Variants in CRYBA4 observed in about 807,000 individuals in gnomAD.
The protein encoded by CRYBA4 is beta-crystallin A4.
A neutral mutation model predicts 31.7 loss-of-function variants in CRYBA4; 30 were observed. That is an observed-to-expected ratio of 0.95 (90% CI 0.71 to 1.28). The LOEUF is 1.28. Among genes scored for constraint, CRYBA4 ranks in the 50% most tolerant of loss-of-function variants. The probability of loss-of-function intolerance (pLI) is 0.00; values close to 1 mark genes in which losing one functional copy is unlikely to be tolerated. For synonymous variants in CRYBA4, 102 were observed against 102.3 expected, an observed-to-expected ratio of 1.00 and a Z score of 0.02; for missense variants, 225 against 260.7, an observed-to-expected ratio of 0.86 and a Z score of 0.94.
At chr22:26,602,446 C>A in the CRYBA4 span, among the ~76,000 whole-genome samples, 1 of 151,598 alleles carries the variant, frequency 6.6e-6, no homozygotes, top group African/African-American at 2.4e-5. Flanking sequence ...TTTTAATTTG[C>A]CAGGCATGGT....
At chr22:26,626,644 C>T (rs1034276393) in intron 4 of CRYBA4, among the ~76,000 whole-genome samples, 22 of 152,148 alleles carry the variant, frequency 1.4e-4, no homozygotes, top group Admixed American at 1.3e-4. Context: ...GTAATACTTA[C>T]AGTTGAGCAG....
the CRYBA4 span, chr22:26,607,996 A>T: frequency 6.2e-7 from 1 of 1,614,194 alleles, no homozygotes. Flanking sequence ...TCCCCGCGGA[A>T]GTTGGACTGC....
At chr22:26,598,253 A>G in the CRYBA4 span, among the ~76,000 whole-genome samples, 1 of 152,208 alleles carries the variant, frequency 6.6e-6, no homozygotes, top group Non-Finnish European at 1.5e-5. Flanking sequence ...AGGCAGTGGT[A>G]TCTGCTGGAA....
chr22:26,613,426 C>A, the CRYBA4 span, among the ~76,000 whole-genome samples: 1 of 152,230 alleles, frequency 6.6e-6, no homozygotes, highest in Non-Finnish European at 1.5e-5. Flanking sequence ...AACGGAGGAA[C>A]TGGCTGAAGC....
In CRYBA4 at chr22:26,623,117, G is replaced by A. The variant is rs1602338215; in HGVS notation, c.40-117G>A. The A allele has an allele frequency of 3.5e-6, 3 of 852,068 alleles. No homozygotes were observed. The East Asian group carries it at 7.2e-5, about 21-fold the overall frequency. 52.8% of individuals were successfully genotyped at this position (852,068 alleles called of 1,614,324 possible). A position where few individuals can be genotyped will look rare whatever the true frequency, so the allele number is the denominator to read the frequency against. ...ACTGCTCTTGCCTTCCTGGCTCCTG[G>A]AGGAATCTGAGTTTGCAATCCCTGC... On this transcript the variant is annotated intron_variant, in intron 2 of 5. Coordinates refer to ENST00000354760, the MANE Select transcript of CRYBA4 (RefSeq NM_001886.3).
the CRYBA4 span, among the ~76,000 whole-genome samples, chr22:26,615,712 C>T: frequency 2.0e-5 from 3 of 152,126 alleles, no homozygotes; most frequent in Admixed American, 2.0e-4. Context: ...CAGGGTTTCA[C>T]CATGTTGGCC....
chr22:26,600,798 G>A, the CRYBA4 span, among the ~76,000 whole-genome samples: 284 of 152,308 alleles, frequency 1.9e-3, 3 homozygotes, highest in East Asian at 0.045. Context: ...TCCATCCTCT[G>A]CAGATAAACC....
At chr22:26,595,032 C>T in the CRYBA4 span, among the ~76,000 whole-genome samples, 1 of 152,172 alleles carries the variant, frequency 6.6e-6, no homozygotes, top group East Asian at 1.9e-4. Flanking sequence ...GTTTATGGTT[C>T]CTAAGTCACA....
At chr22:26,600,236 C>T in the CRYBA4 span, among the ~76,000 whole-genome samples, 6 of 152,128 alleles carry the variant, frequency 3.9e-5, no homozygotes, top group African/African-American at 1.4e-4. Context: ...CCCGTCTCTA[C>T]TAAAAATACA....
intron 2 of CRYBA4, 119 bp from the exon 3 acceptor site, chr22:26,623,114 CT>C: frequency 1.2e-6 from 1 of 842,170 alleles, no homozygotes. Flanking sequence ...TTCCTGGCTC[CT>C]GGAGGAATCT....
Position 26,628,756 on chromosome 22 carries a change from C to T in CRYBA4, c.443+326C>T, listed in dbSNP as rs184536860. Among the ~76,000 whole-genome samples, 93 of 152,314 alleles carry T rather than the reference C, an allele frequency of 6.1e-4. 1 individual carries two copies. In the East Asian group the frequency reaches 0.016, roughly 26 times the overall value. ...GTGTGACTATATTCTTAGACAAGCT[C>T]TTCCTGTGTGAAGGCAAAGGTGGCG... is the stretch of plus-strand genomic sequence containing the variant. On this transcript the variant is annotated intron_variant, in intron 5 of 5. Transcript: ENST00000354760.
Position 26,626,165 on chromosome 22 carries a change from G to T in CRYBA4, c.300+543G>T, listed in dbSNP as rs1929698487. 2.6e-5 allele frequency among the ~76,000 whole-genome samples: 4 copies of T among 152,154 alleles called. No individual in the cohort carries two copies. In the South Asian group the frequency reaches 8.3e-4, roughly 31 times the overall value. ...ACCTGTAATCCCAGCACTTTGGGAG[G>T]CCAAGGCGGGTAGATCACTTGAGGC... On this transcript the variant is annotated intron_variant, in intron 4 of 5. Transcript: ENST00000354760.
Position 26,628,291 on chromosome 22 carries a change from C to A in CRYBA4, c.304C>A (p.His102Asn). The change falls in exon 5 of 6, where the codon CAC becomes AAC. Residue 102 changes from histidine (H) to asparagine (N), a missense_variant. Coordinates refer to ENST00000354760, the MANE Select transcript of CRYBA4 (RefSeq NM_001886.3). Reference protein sequence around the residue: ...TSFRPAACANHRDSRLTIFEQ... With the variant: ...TSFRPAACANNRDSRLTIFEQ... Reference sequence around the variant, plus strand: ...ACTGTGTTCCCTGTTCCTGTAGAACCACCGTGACTCGAGGCTGACAATCTT... The same window carrying A: ...ACTGTGTTCCCTGTTCCTGTAGAACAACCGTGACTCGAGGCTGACAATCTT... The A allele has an allele frequency of 6.2e-7, 1 of 1,613,972 alleles. No homozygotes were observed. The highest frequency in any genetic ancestry group is 8.5e-7 in the Non-Finnish European group (1 of 1,179,978).
At chr22:26,617,017 G>C (rs1929377395), upstream of CRYBA4, among the ~76,000 whole-genome samples, 1 of 152,238 alleles carries the variant, frequency 6.6e-6, no homozygotes, top group Non-Finnish European at 1.5e-5. Flanking sequence ...CATTTGTTCA[G>C]AGAATGAATG....
At chr22:26,610,597 A>C in the CRYBA4 span, among the ~76,000 whole-genome samples, 2 of 152,158 alleles carry the variant, frequency 1.3e-5, no homozygotes, top group Non-Finnish European at 1.5e-5. Flanking sequence ...CGTTGACCAC[A>C]CTGAGGGTGC....
chr22:26,613,453 G>A, the CRYBA4 span, among the ~76,000 whole-genome samples: 1 of 152,178 alleles, frequency 6.6e-6, no homozygotes, highest in African/African-American at 2.4e-5. Flanking sequence ...AGAAGAACGT[G>A]GATTGTGAAG....
upstream of CRYBA4, among the ~76,000 whole-genome samples, chr22:26,619,613 C>T (rs1395879694): frequency 1.3e-5 from 2 of 152,232 alleles, no homozygotes; most frequent in African/African-American, 4.8e-5. Context: ...GGCCTGGAGC[C>T]AGCTTTGCCT....
intron 4 of CRYBA4, among the ~76,000 whole-genome samples, chr22:26,627,697 G>A (rs547370774): frequency 6.7e-6 from 1 of 148,810 alleles, no homozygotes; most frequent in East Asian, 2.0e-4. Context: ...TGTCCAGGCT[G>A]GAGTGCAATG....
chr22:26,597,737 T>C, the CRYBA4 span, among the ~76,000 whole-genome samples: 1 of 152,216 alleles, frequency 6.6e-6, no homozygotes, highest in Non-Finnish European at 1.5e-5. Flanking sequence ...AGATGATTCC[T>C]GATGTACCCC....
Sources: gnomAD v4.1 joint callset for allele counts (sites outside exome capture counted in the v4.1 genomes callset) on GRCh38, gnomAD v4.1.1 for gene constraint, MANE v1.5 for transcripts, NCBI Gene and HGNC (gene_info 2026-07-23, HGNC 2026-07-21) for gene names.